The following TOM1L1 variants were observed in gnomAD, a reference collection of about 807,000 sequenced individuals.
The protein encoded by TOM1L1 is TOM1-like protein 1.
TOM1L1 carries 64 observed loss-of-function variants against 63.4 expected under a neutral mutation model. That is an observed-to-expected ratio of 1.01 (90% CI 0.83 to 1.24). TOM1L1 has a LOEUF of 1.24. Ranked by LOEUF, TOM1L1 falls within the 50% of genes most tolerant of loss-of-function variation. The probability of loss-of-function intolerance (pLI) is 0.00; values close to 1 mark genes in which losing one functional copy is unlikely to be tolerated. For missense variants in TOM1L1, 536 were observed against 567.0 expected, an observed-to-expected ratio of 0.95 and a Z score of 0.55; for synonymous variants, 166 against 194.4, an observed-to-expected ratio of 0.85 and a Z score of 1.22.
intron 7 of TOM1L1, among the ~76,000 whole-genome samples, chr17:54,925,481 G>A (rs1484956287): frequency 6.6e-6 from 1 of 152,354 alleles, no homozygotes; most frequent in African/African-American, 2.4e-5. Context: ...AGAAAGTATG[G>A]ACAGTGGATC....
In TOM1L1 at chr17:54,950,103, C is replaced by G; in HGVS notation, c.1347C>G (p.Pro449=). The G allele has an allele frequency of 2.5e-6, 4 of 1,613,514 alleles. No homozygotes were observed. Among genetic ancestry groups the G allele is most frequent in the Non-Finnish European group, 3.4e-6 (4 of 1,179,560 alleles). Reference sequence around the variant, plus strand: ...ACTACGAGGTAATGGAGTTTGATCCCTTAGCTCCTGCTGTCACTACAGAGT... The same window carrying G: ...ACTACGAGGTAATGGAGTTTGATCCGTTAGCTCCTGCTGTCACTACAGAGT... ...PNYYEVMEFD[P]LAPAVTTEAI... Residue 449 remains proline, a synonymous_variant, in exon 14 of 16, where the codon CCC becomes CCG. Coordinates refer to ENST00000575882, the MANE Select transcript of TOM1L1 (RefSeq NM_005486.3).
At chr17:54,914,766 T>A in intron 6 of TOM1L1, 23 bp downstream of exon 6, 1 of 1,547,106 alleles carries the variant, frequency 6.5e-7, no homozygotes, top group Non-Finnish European at 8.9e-7. Flanking sequence ...ATCATTGCAT[T>A]TAATTGATGT....
chr17:54,904,987 G>A (rs2048387283), intron 2 of TOM1L1, among the ~76,000 whole-genome samples: 1 of 152,126 alleles, frequency 6.6e-6, no homozygotes, highest in Non-Finnish European at 1.5e-5. Flanking sequence ...TACAAAAAGA[G>A]AATCTTAAAG....
chr17:54,936,483 A>T (rs976341707), intron 8 of TOM1L1, 166 bp from the exon 9 acceptor site: 2 of 571,308 alleles, frequency 3.5e-6, no homozygotes, highest in African/African-American at 3.9e-5. Context: ...GGGTATGAAT[A>T]CTCTGTAAGC....
At chr17:54,960,702 G>A in intron 15 of TOM1L1, 75 bp downstream of exon 15, 1 of 1,209,266 alleles carries the variant, frequency 8.3e-7, no homozygotes, top group Non-Finnish European at 1.2e-6. Context: ...TACATATTTA[G>A]TATTTAAATT....
At chr17:54,918,993 T>C (rs1043053926) in intron 7 of TOM1L1, among the ~76,000 whole-genome samples, 1 of 152,228 alleles carries the variant, frequency 6.6e-6, no homozygotes, top group Non-Finnish European at 1.5e-5. Context: ...TATCTTAGAA[T>C]TGTAACATTT....
chr17:54,938,814 C>CTT, intron 10 of TOM1L1, 110 bp from the exon 11 acceptor site: 8 of 548,342 alleles, frequency 1.5e-5, no homozygotes, highest in South Asian at 3.0e-5. Context: ...GTGGGTTTTT[C>CTT]TTTTTTTTTT....
chr17:54,961,031 T>C (rs1486751372), intron 15 of TOM1L1: 1 of 586,556 alleles, frequency 1.7e-6, no homozygotes, highest in Non-Finnish European at 3.0e-6. Context: ...ACTAATCCCA[T>C]GTATTTACTA....
intron 11 of TOM1L1, among the ~76,000 whole-genome samples, chr17:54,943,226 A>G (rs2049059334): frequency 6.6e-6 from 1 of 152,132 alleles, no homozygotes; most frequent in Admixed American, 6.6e-5. Flanking sequence ...TAGTTGGTTC[A>G]TGCATTTTTA....
chr17:54,949,783 C>CTTAT (rs746238324), intron 13 of TOM1L1, among the ~76,000 whole-genome samples, 160 bp downstream of exon 13: 1 of 152,176 alleles, frequency 6.6e-6, no homozygotes, highest in Non-Finnish European at 1.5e-5. Context: ...TTATGACTGA[C>CTTAT]TTATAAGAGA....
Position 54,961,416 on chromosome 17 carries a change from A to G in TOM1L1, c.*183A>G. 1 of 1,527,516 alleles carries G rather than the reference A, an allele frequency of 6.5e-7. No individual in the cohort carries two copies. 94.6% of individuals were successfully genotyped at this position (1,527,516 alleles called of 1,614,324 possible). On this transcript the variant is annotated 3_prime_UTR_variant, in exon 16 of 16. Coordinates refer to ENST00000575882, the MANE Select transcript of TOM1L1 (RefSeq NM_005486.3). ...TTCCAGGATAACACTGATTCCTGAC[A>G]ACAGCGTGAGATTTCAACAGAACTT...
At chr17:54,914,826 A>G (rs144825783) in intron 6 of TOM1L1, 83 bp downstream of exon 6, 37 of 1,115,300 alleles carry the variant, frequency 3.3e-5, no homozygotes, top group Non-Finnish European at 4.8e-5. Flanking sequence ...TTTCTGGTTA[A>G]CAACATTGAG....
intron 10 of TOM1L1, chr17:54,938,019 T>C (rs1233530266): frequency 6.6e-6 from 1 of 152,228 alleles, no homozygotes; most frequent in Non-Finnish European, 1.5e-5. Flanking sequence ...AGTAAAAATA[T>C]TCAGTATCAC....
intron 14 of TOM1L1, among the ~76,000 whole-genome samples, chr17:54,960,321 C>T (rs2077085486): frequency 6.6e-6 from 1 of 152,014 alleles, no homozygotes; most frequent in South Asian, 2.1e-4. Flanking sequence ...GCCAAGAAAG[C>T]ACCATTGCAC....
intron 1 of TOM1L1, chr17:54,901,244 C>T (rs890286620): frequency 9.8e-6 from 4 of 409,948 alleles, no homozygotes; most frequent in South Asian, 4.1e-5. Context: ...AGAAACTTCT[C>T]GGTAGGGGAA....
intron 3 of TOM1L1, among the ~76,000 whole-genome samples, chr17:54,911,306 C>T (rs1472179980): frequency 3.3e-5 from 5 of 152,096 alleles, no homozygotes; most frequent in Admixed American, 6.6e-5. Context: ...CTTGGATTTT[C>T]GTTGGCCCGT....
chr17:54,922,610 A>C (rs1020856524), intron 7 of TOM1L1, among the ~76,000 whole-genome samples: 3 of 152,238 alleles, frequency 2.0e-5, no homozygotes, highest in Non-Finnish European at 4.4e-5. Context: ...AAAATTAAAA[A>C]AGAAAAATTT....
chr17:54,913,998 T>G, intron 5 of TOM1L1, 125 bp downstream of exon 5: 1 of 1,110,336 alleles, frequency 9.0e-7, no homozygotes, highest in Non-Finnish European at 1.2e-6. Context: ...AGAAGGATAT[T>G]GCAATATCTC....
At chr17:54,907,231 G>A (rs1474629438) in intron 3 of TOM1L1, among the ~76,000 whole-genome samples, 6 of 150,752 alleles carry the variant, frequency 4.0e-5, no homozygotes, top group African/African-American at 1.2e-4. Flanking sequence ...AGAGAGGAGT[G>A]AGGCACTTCT....
Sources: gnomAD v4.1 joint callset for allele counts (sites outside exome capture counted in the v4.1 genomes callset) on GRCh38, gnomAD v4.1.1 for gene constraint, MANE v1.5 for transcripts, NCBI Gene and HGNC (gene_info 2026-07-23, HGNC 2026-07-21) for gene names.